PTPRD: variants seen among roughly 807,000 people sequenced by gnomAD.
The protein encoded by PTPRD is receptor-type tyrosine-protein phosphatase delta.
PTPRD carries 34 observed loss-of-function variants against 214.5 expected under a neutral mutation model. The ratio of observed to expected loss-of-function variants is 0.16; its 90% confidence interval spans 0.12 to 0.21. The LOEUF (loss-of-function observed/expected upper bound fraction) is 0.21, where lower values mean the gene tolerates loss of function less well. Ranked by LOEUF, PTPRD falls within the 10% of genes least tolerant of loss-of-function variation. The pLI, the probability that PTPRD is intolerant of heterozygous loss-of-function variation, is 1.00. For synonymous variants in PTPRD, 1,128 were observed against 845.7 expected (o/e 1.33, Z -5.79); for missense variants, 2,545 against 2,398.7 (o/e 1.06, Z -1.27).
intron 3 of PTPRD, among the ~76,000 whole-genome samples, chr9:10,288,833 T>G (rs1172274048): frequency 1.3e-5 from 2 of 152,128 alleles, no homozygotes; most frequent in Non-Finnish European, 2.9e-5. Flanking sequence ...TTTGAAGGGT[T>G]TATTTCAGAG....
chr9:9,664,545 T>G (rs763117216), intron 7 of PTPRD, among the ~76,000 whole-genome samples: 1 of 151,632 alleles, frequency 6.6e-6, no homozygotes, highest in South Asian at 2.1e-4. Context: ...TCAAACTAAA[T>G]GGAAACCTCT....
chr9:8,547,666 GT>G (rs2080651179), intron 14 of PTPRD, among the ~76,000 whole-genome samples: 1 of 149,430 alleles, frequency 6.7e-6, no homozygotes, highest in South Asian at 2.1e-4. Flanking sequence ...AAAAAAGAGA[GT>G]GACTATTATT....
chr9:8,724,507 G>C (rs968074184), intron 12 of PTPRD, among the ~76,000 whole-genome samples: 2 of 152,122 alleles, frequency 1.3e-5, no homozygotes, highest in Non-Finnish European at 2.9e-5. Context: ...CCACCATGCT[G>C]CCTCATTGCT....
At chr9:8,345,367 C>T (rs1441479635) in intron 39 of PTPRD, among the ~76,000 whole-genome samples, 2 of 152,066 alleles carry the variant, frequency 1.3e-5, no homozygotes, top group Non-Finnish European at 2.9e-5. Flanking sequence ...GCACCCTGTT[C>T]CCAGCACCCC....
intron 3 of PTPRD, among the ~76,000 whole-genome samples, chr9:10,281,100 G>A (rs1167433421): frequency 2.0e-5 from 3 of 152,038 alleles, no homozygotes; most frequent in East Asian, 1.9e-4. Context: ...TGAAGTCTTC[G>A]TATCTCCAAG....
At chr9:10,171,817 C>T (rs1176488197) in intron 3 of PTPRD, among the ~76,000 whole-genome samples, 3 of 152,194 alleles carry the variant, frequency 2.0e-5, no homozygotes, top group Non-Finnish European at 2.9e-5. Flanking sequence ...GCCACCGCGC[C>T]TGGCCTGGTA....
rs547307175 is a variant in PTPRD at position 10,077,841 on chromosome 9, T to C, written c.-544-44051A>G. ...AGGACATGATCTCTCTTTTTTTTTT[T>C]TTAAAAGGTTGCACAGTGGAATCGG... is the stretch of plus-strand genomic sequence containing the variant. On this transcript the variant is annotated intron_variant, in intron 3 of 45. Transcript: ENST00000381196. Among the ~76,000 whole-genome samples, 86 of 152,188 alleles carry C rather than the reference T, an allele frequency of 5.7e-4. 1 individual carries two copies. In the South Asian group the frequency reaches 8.1e-3, roughly 14 times the overall value.
At chr9:8,787,870 A>G (rs1201583867) in intron 11 of PTPRD, among the ~76,000 whole-genome samples, 1 of 150,084 alleles carries the variant, frequency 6.7e-6, no homozygotes, top group Admixed American at 6.7e-5. Context: ...CTTGCTTACT[A>G]TAATTTCAAC....
chr9:9,395,345 G>T (rs1016489034), intron 9 of PTPRD, among the ~76,000 whole-genome samples: 8 of 152,076 alleles, frequency 5.3e-5, no homozygotes, highest in African/African-American at 1.9e-4. Flanking sequence ...ATAATCACCA[G>T]GGAGCTGAAG....
At chr9:8,929,704 T>TGTATATATATATGC (rs2098931264) in intron 11 of PTPRD, among the ~76,000 whole-genome samples, 1 of 146,198 alleles carries the variant, frequency 6.8e-6, no homozygotes, top group African/African-American at 2.5e-5. Context: ...TATATATATG[T>TGTATATATATATGC]GTATATATAT....
chr9:9,986,939 A>C (rs1370262959), intron 4 of PTPRD, among the ~76,000 whole-genome samples: 4 of 151,882 alleles, frequency 2.6e-5, no homozygotes, highest in African/African-American at 9.7e-5. Flanking sequence ...AGAATTCTGA[A>C]TATTTAAACT....
At chr9:8,768,223 C>T (rs4492433) in intron 11 of PTPRD, among the ~76,000 whole-genome samples, 78,873 of 151,930 alleles carry the variant, frequency 0.52, 20,929 homozygotes, top group South Asian at 0.59. Flanking sequence ...AGTGAGACCC[C>T]CATCTTGATT....
At chr9:8,481,032 C>T (rs910105253) in intron 30 of PTPRD, among the ~76,000 whole-genome samples, 6 of 149,650 alleles carry the variant, frequency 4.0e-5, no homozygotes, top group South Asian at 2.1e-4. Flanking sequence ...CACAGCCGCT[C>T]GAGAGGCTGA....
intron 2 of PTPRD, among the ~76,000 whole-genome samples, chr9:10,434,656 G>C (rs143654903): frequency 6.6e-6 from 1 of 152,008 alleles, no homozygotes; most frequent in African/African-American, 2.4e-5. Flanking sequence ...ATGATTGTTT[G>C]AAAACAGCAG....
At chr9:8,385,344 A>G (rs1180140263) in intron 37 of PTPRD, among the ~76,000 whole-genome samples, 1 of 152,146 alleles carries the variant, frequency 6.6e-6, no homozygotes, top group Admixed American at 6.5e-5. Context: ...CTGGGCAAAA[A>G]AGTGAGACTC....
chr9:9,366,606 C>G (rs2057955068), intron 9 of PTPRD, among the ~76,000 whole-genome samples: 1 of 151,264 alleles, frequency 6.6e-6, no homozygotes, highest in African/African-American at 2.4e-5. Flanking sequence ...TATAAAATGG[C>G]CATTAGTAAG....
chr9:9,665,926 A>G lies in PTPRD; in HGVS notation c.-287+68607T>C, dbSNP rs146209738. ...ATTTTTTACTGGTTTGAATAACCAA[A>G]GAATGTATATAAAGTCCAGAAAGAG... is the stretch of plus-strand genomic sequence containing the variant. On this transcript the variant is annotated intron_variant, in intron 7 of 45. Transcript: ENST00000381196. 2.5e-3 allele frequency among the ~76,000 whole-genome samples: 383 copies of G among 152,076 alleles called. 2 individuals carry two copies. Among genetic ancestry groups the G allele is most frequent in the African/African-American group, 8.6e-3 (359 of 41,556 alleles).
intron 11 of PTPRD, among the ~76,000 whole-genome samples, chr9:8,758,952 T>C (rs1192388421): frequency 2.6e-5 from 4 of 151,916 alleles, no homozygotes; most frequent in Non-Finnish European, 5.9e-5. Context: ...CCCAAAGTGC[T>C]GGGATTGCAG....
At chr9:8,638,103 C>CT (rs963311950) in intron 12 of PTPRD, among the ~76,000 whole-genome samples, 13,556 of 126,978 alleles carry the variant, frequency 0.11, 750 homozygotes, top group South Asian at 0.15. Flanking sequence ...GCTGTTCCTT[C>CT]TTTTTTTTTT....
Sources: gnomAD v4.1 joint callset for allele counts (sites outside exome capture counted in the v4.1 genomes callset) on GRCh38, gnomAD v4.1.1 for gene constraint, MANE v1.5 for transcripts, NCBI Gene and HGNC (gene_info 2026-07-23, HGNC 2026-07-21) for gene names.